The following MUC5B variants were observed in gnomAD, a reference collection of about 807,000 sequenced individuals.
The protein encoded by MUC5B is mucin 5B, oligomeric mucus/gel-forming, also known as mucin-5B.
MUC5B carries 116 observed loss-of-function variants against 376.9 expected under a neutral mutation model. The observed-to-expected ratio is 0.31, with a 90% CI of 0.26 to 0.36. The LOEUF is 0.36. MUC5B is among the 10% of genes least tolerant of loss of function. The probability of loss-of-function intolerance (pLI) is 1.00; values close to 1 mark genes in which losing one functional copy is unlikely to be tolerated. For synonymous variants in MUC5B, 3,517 were observed against 3,390.9 expected, an observed-to-expected ratio of 1.04 and a Z score of -1.29; for missense variants, 7,165 against 7,769.9, an observed-to-expected ratio of 0.92 and a Z score of 2.93.
chr11:1,261,846 A>G lies in MUC5B; in HGVS notation c.*238A>G, dbSNP rs963207675. 5.9e-5 allele frequency: 41 copies of G among 693,344 alleles called. No homozygotes were observed. The Admixed American group carries it at 8.3e-4, about 14-fold the overall frequency. The allele number at this position is 693,344 out of a possible 1,614,324, so 42.9% of individuals were successfully genotyped here. A position where few individuals can be genotyped will look rare whatever the true frequency, so the allele number is the denominator to read the frequency against. Reference sequence around the variant, plus strand: ...CCTACCCTGGGAGAGCCTGTGGCCCACCTTGGCCTTGCCCCTCCCTGATGT... The same window carrying G: ...CCTACCCTGGGAGAGCCTGTGGCCCGCCTTGGCCTTGCCCCTCCCTGATGT... On this transcript the variant is annotated 3_prime_UTR_variant, in exon 49 of 49. Coordinates refer to ENST00000529681, the MANE Select transcript of MUC5B (RefSeq NM_002458.3).
rs1862771938 is a variant in MUC5B at position 1,254,166 on chromosome 11, A to T, written c.15292A>T (p.Thr5098Ser). The change falls in exon 34 of 49, where the codon ACC becomes TCC. Residue 5098 changes from threonine to serine, a missense_variant. Around this residue, in one of 31 missense-constraint regions of MUC5B, gnomAD observed 842 missense variants for 1,016.9 expected, o/e 0.83. Coordinates refer to ENST00000529681, the MANE Select transcript of MUC5B (RefSeq NM_002458.3). ...GTSYTFRGNC[T>S]YVLMREIHAR... is the part of the protein sequence containing the mutation. ...CTCTTACACCTTCCGGGGCAACTGCACCTATGTCCTCATGAGAGAGATCCA... is the reference window on the plus strand; with the variant it reads ...CTCTTACACCTTCCGGGGCAACTGCTCCTATGTCCTCATGAGAGAGATCCA... The T allele has an allele frequency of 1.9e-6, 3 of 1,612,942 alleles. No homozygotes were observed. Among genetic ancestry groups the T allele is most frequent in the Non-Finnish European group, 2.5e-6 (3 of 1,179,850 alleles).
chr11:1,230,254 T>C, intron 11 of MUC5B, 111 bp downstream of exon 11: 1 of 1,422,392 alleles, frequency 7.0e-7, no homozygotes, highest in South Asian at 1.4e-5. Flanking sequence ...ATGTCCCTGC[T>C]GAGGGGGGAG....
chr11:1,235,230 C>T lies in MUC5B; in HGVS notation c.2769+7C>T, dbSNP rs760063140. On this transcript the variant is annotated splice_region_variant and intron_variant, in intron 22 of 48. Transcript: ENST00000529681. ...CGAGTACATCTTGGCCCAGGTACGC[C>T]GCCCCCTCGCCCACTCCTGCAGGCC... 9 of 1,612,086 alleles carry T rather than the reference C, an allele frequency of 5.6e-6. No homozygotes were observed. Among genetic ancestry groups the T allele is most frequent in the South Asian group, 3.3e-5 (3 of 91,034 alleles).
chr11:1,244,117 C>T lies in MUC5B; in HGVS notation c.7237C>T (p.His2413Tyr), dbSNP rs1470084529. 6.2e-7 allele frequency: 1 copy of T among 1,610,294 alleles called. No individual in the cohort carries two copies. Among genetic ancestry groups the T allele is most frequent in the Non-Finnish European group, 8.5e-7 (1 of 1,178,028 alleles). ...EIRVFCCNYG[H>Y]CPSTPATSST... ...CCGTGTGTTCTGCTGCAACTACGGC[C>T]ACTGCCCCAGCACCCCGGCCACCAG... is the stretch of plus-strand genomic sequence containing the variant. The change falls in exon 31 of 49, where the codon CAC (histidine) becomes TAC (tyrosine). Residue 2413 changes from histidine (H) to tyrosine (Y), a missense_variant. By Grantham distance (83) the His-to-Tyr change is moderately conservative. This residue lies in a region of MUC5B where 194 missense variants were observed against 268.5 expected (regional missense o/e 0.72). Transcript: ENST00000529681.
In MUC5B at chr11:1,261,658, G is replaced by A. The variant is rs1273334485; in HGVS notation, c.*50G>A. 1.3e-6 allele frequency: 2 copies of A among 1,521,758 alleles called. No homozygotes were observed. The highest frequency in any genetic ancestry group is 2.4e-5 in the East Asian group (1 of 41,456). 94.3% of individuals were successfully genotyped at this position (1,521,758 alleles called of 1,614,324 possible). ...CTCTGTCCACCTGGAGCCAGGATGT[G>A]CATTGTCTGATCATGAAAACCTTGG... On this transcript the variant is annotated 3_prime_UTR_variant, in exon 49 of 49. Transcript: ENST00000529681.
rs746501136 is a variant in MUC5B at position 1,246,281 on chromosome 11, T to C, written c.9401T>C (p.Ile3134Thr). The C allele has an allele frequency of 6.2e-7, 1 of 1,606,064 alleles. No individual in the cohort carries two copies. Among genetic ancestry groups the C allele is most frequent in the Non-Finnish European group, 8.5e-7 (1 of 1,176,940 alleles). The part of the protein sequence containing the change: ...TPSSTPGTTW[I>T]LTELTTAATT... ...TCCTCCACTCCGGGGACGACCTGGA[T>C]CCTCACAGAGCTGACCACAGCAGCC... Residue 3134 changes from isoleucine to threonine, a missense_variant, in exon 31 of 49, where the codon ATC becomes ACC. By Grantham distance (89) the Ile-to-Thr change is moderately conservative. This residue lies in a region of MUC5B where 939 missense variants were observed against 770.6 expected (regional missense o/e 1.22). Transcript: ENST00000529681.
In MUC5B at chr11:1,244,791, C is replaced by T. The variant is rs760999796; in HGVS notation, c.7911C>T (p.Thr2637=). 22 of 1,612,508 alleles carry T rather than the reference C, an allele frequency of 1.4e-5. No homozygotes were observed. The highest frequency in any genetic ancestry group is 3.3e-5 in the Admixed American group (2 of 59,850). Reference sequence around the variant, plus strand: ...CGCTTCCAGTGTGGATCAGCACAACCACCACACCCACAACCAGAGGTTCCA... The same window carrying T: ...CGCTTCCAGTGTGGATCAGCACAACTACCACACCCACAACCAGAGGTTCCA... ...ARTLPVWIST[T]TTPTTRGSTV... is the part of the protein sequence containing the mutation. Residue 2637 remains threonine (T), a synonymous_variant, in exon 31 of 49, where the codon ACC becomes ACT. Transcript: ENST00000529681.
intron 34 of MUC5B, 81 bp from the exon 35 acceptor site, chr11:1,254,613 G>C (rs893558667): frequency 7.0e-7 from 1 of 1,424,198 alleles, no homozygotes; most frequent in Admixed American, 2.2e-5. Context: ...GCACATGGAG[G>C]CAGAGCCCCA....
Position 1,255,419 on chromosome 11 carries a change from C to A in MUC5B, c.15927C>A (p.Gly5309=), listed in dbSNP as rs1363910723. The stretch of plus-strand genomic sequence containing the variant: ...AGTGCCACAACCTTGTGCCCCCGGG[C>A]CCATTCTTCAACGCCTGCATCAGCG... The part of the protein sequence containing the change: ...FAECHNLVPP[G]PFFNACISDH... The change falls in exon 37 of 49, where the codon GGC becomes GGA. Residue 5309 remains glycine (G), a synonymous_variant. Transcript: ENST00000529681. 1.2e-6 allele frequency: 2 copies of A among 1,604,816 alleles called. No homozygotes were observed. The highest frequency in any genetic ancestry group is 1.3e-5 in the African/African-American group (1 of 74,888).
At position 1,247,428 on chromosome 11, in the gene MUC5B, C is replaced by T; in HGVS notation, c.10548C>T (p.Ser3516=). 6.2e-7 allele frequency: 1 copy of T among 1,609,414 alleles called. No individual in the cohort carries two copies. The highest frequency in any genetic ancestry group is 8.5e-7 in the Non-Finnish European group (1 of 1,178,820). The change falls in exon 31 of 49, where the codon AGC becomes AGT. Residue 3516 remains serine (S), a synonymous_variant. Transcript: ENST00000529681. ...CCCTGTCCAGCCCTCACCCTAGCAG[C>T]AGGACCACCGAGTCACCCCCTTCTC... The part of the protein sequence containing the change: ...TPALSSPHPS[S]RTTESPPSPG...
intron 11 of MUC5B, 59 bp from the exon 12 acceptor site, chr11:1,230,431 T>C (rs1216251299): frequency 2.0e-6 from 3 of 1,469,810 alleles, no homozygotes; most frequent in Non-Finnish European, 2.8e-6. Context: ...AGCACACTTC[T>C]GGGGGGCACC....
intron 3 of MUC5B, 114 bp from the exon 4 acceptor site, chr11:1,226,501 G>T: frequency 7.0e-7 from 1 of 1,423,296 alleles, no homozygotes; most frequent in Non-Finnish European, 9.5e-7. Flanking sequence ...GCAGGGCACA[G>T]CCAGCAGCCG....
chr11:1,235,039 G>A (rs145239100), intron 21 of MUC5B, 46 bp from the exon 22 acceptor site: 27 of 1,574,666 alleles, frequency 1.7e-5, no homozygotes, highest in Admixed American at 3.5e-5. Flanking sequence ...CAGGAAGGCC[G>A]GGAGAGCAGG....
chr11:1,245,288 A>G lies in MUC5B; in HGVS notation c.8408A>G (p.Gln2803Arg), dbSNP rs373642219. The G allele has an allele frequency of 3.1e-6, 5 of 1,592,514 alleles. No individual in the cohort carries two copies. In the African/African-American group the frequency reaches 4.2e-5, roughly 13 times the overall value. ...HTPAATTGTTQHSTPALSSPH... is the reference protein window; with the variant it reads ...HTPAATTGTTRHSTPALSSPH... The stretch of plus-strand genomic sequence containing the variant: ...CCAGCAGCAACCACCGGTACCACCC[A>G]GCACTCGACTCCAGCCCTGTCCAGC... The change falls in exon 31 of 49, where the codon CAG (glutamine) becomes CGG (arginine). Residue 2803 changes from glutamine to arginine, a missense_variant. Coordinates refer to ENST00000529681, the MANE Select transcript of MUC5B (RefSeq NM_002458.3).
rs557536313 is a variant in MUC5B, at chr11:1,246,093, C to T, written c.9213C>T (p.Ser3071=). Residue 3071 remains serine, a synonymous_variant, in exon 31 of 49, where the codon TCC becomes TCT. Transcript: ENST00000529681. ...STATSFTPIP[S]FTLGTTGTLP... ...CTACCAGCTTTACACCCATCCCCTC[C>T]TTCACCCTTGGGACCACCGGGACCC... 122 of 1,612,774 alleles carry T rather than the reference C, an allele frequency of 7.6e-5. No homozygotes were observed. The Admixed American group carries it at 1.8e-3, about 23-fold the overall frequency.
Position 1,227,337 on chromosome 11 carries a change from G to A in MUC5B, c.606G>A (p.Gln202=), listed in dbSNP as rs1861911580. The A allele has an allele frequency of 1.2e-6, 2 of 1,612,834 alleles. No homozygotes were observed. The highest frequency in any genetic ancestry group is 1.7e-5 in the Admixed American group (1 of 60,006). The change falls in exon 6 of 49, where the codon CAG becomes CAA. Residue 202 remains glutamine (Q), a synonymous_variant. Coordinates refer to ENST00000529681, the MANE Select transcript of MUC5B (RefSeq NM_002458.3). ...LLELDPKYAN[Q]TCGLCGDFNG... is the part of the protein sequence containing the mutation. ...AGCTGGATCCCAAATACGCCAACCA[G>A]ACCTGTGGCCTGTGTGGGGACTTCA... is the stretch of plus-strand genomic sequence containing the variant.
In MUC5B at chr11:1,227,107, G is replaced by C. The variant is rs2133805420; in HGVS notation, c.538G>C (p.Val180Leu). The C allele has an allele frequency of 6.2e-7, 1 of 1,612,540 alleles. No homozygotes were observed. The highest frequency in any genetic ancestry group is 1.1e-5 in the South Asian group (1 of 91,072). The part of the protein sequence containing the change: ...GDYIKVSIRL[V>L]LTFLWNGEDS... The stretch of plus-strand genomic sequence containing the variant: ...CTACATCAAGGTCAGCATCCGGCTG[G>C]TGCTGACATTCCTGTGGAACGGAGA... Residue 180 changes from valine (V) to leucine (L), a missense_variant, in exon 5 of 49, where the codon GTG (valine) becomes CTG (leucine). By Grantham distance (32) the Val-to-Leu change is conservative. Around this residue, in one of 31 missense-constraint regions of MUC5B, gnomAD observed 640 missense variants for 733.0 expected, o/e 0.87. Transcript: ENST00000529681.
At position 1,256,743 on chromosome 11, in the gene MUC5B, A is replaced by C. The variant is rs1862846982; in HGVS notation, c.16209A>C (p.Ala5403=). The change falls in exon 39 of 49, where the codon GCA becomes GCC. Residue 5403 remains alanine, a synonymous_variant. Coordinates refer to ENST00000529681, the MANE Select transcript of MUC5B (RefSeq NM_002458.3). The part of the protein sequence containing the change: ...FCPEDQILFN[A]HMGICVQACP... ...CTGAGGACCAGATCCTCTTCAACGCACACATGGGCATCTGCGTGCAGGCCT... is the reference window on the plus strand; with the variant it reads ...CTGAGGACCAGATCCTCTTCAACGCCCACATGGGCATCTGCGTGCAGGCCT... 1 of 1,547,910 alleles carries C rather than the reference A, an allele frequency of 6.5e-7. No homozygotes were observed. Among genetic ancestry groups the C allele is most frequent in the Non-Finnish European group, 8.7e-7 (1 of 1,148,392 alleles).
Position 1,249,902 on chromosome 11 carries a change from C to G in MUC5B, c.13022C>G (p.Thr4341Ser), listed in dbSNP as rs759671407. ...ACCACCGGGACCCTCCCAGAACAGA[C>G]CACCACACCCGTGGCCACCATGTCC... Reference protein sequence around the residue: ...LGTTGTLPEQTTTPVATMSTI... With the variant: ...LGTTGTLPEQSTTPVATMSTI... Residue 4341 changes from threonine (T) to serine (S), a missense_variant, in exon 31 of 49, where the codon ACC (threonine) becomes AGC (serine). Around this residue, in one of 31 missense-constraint regions of MUC5B, gnomAD observed 431 missense variants for 390.4 expected, o/e 1.10. Coordinates refer to ENST00000529681, the MANE Select transcript of MUC5B (RefSeq NM_002458.3). 5.0e-6 allele frequency: 8 copies of G among 1,613,498 alleles called. No individual in the cohort carries two copies. Among genetic ancestry groups the G allele is most frequent in the Non-Finnish European group, 6.8e-6 (8 of 1,179,788 alleles).
Sources: allele counts gnomAD v4.1 joint callset, GRCh38; gene constraint gnomAD v4.1.1; regional missense constraint gnomAD v4.1.1; transcripts MANE v1.5; gene names NCBI Gene and HGNC (gene_info 2026-07-23, HGNC 2026-07-21).